GPATCH1: variants seen among roughly 807,000 people sequenced by gnomAD.
The protein encoded by GPATCH1 is G-patch domain containing 1, also known as G patch domain-containing protein 1.
In GPATCH1, 73 loss-of-function variants were observed where a neutral mutation model predicts 114.9. That is an observed-to-expected ratio of 0.64 (90% CI 0.53 to 0.77). GPATCH1 has a LOEUF of 0.77. Among genes scored for constraint, GPATCH1 ranks in the 30% least tolerant of loss-of-function variants. GPATCH1 has a pLI of 0.00. For missense variants in GPATCH1, 1,058 were observed against 1,144.3 expected (o/e 0.92, Z 1.09); for synonymous variants, 391 against 428.4 (o/e 0.91, Z 1.08).
At chr19:33,091,304 C>T (rs905503004) in intron 3 of GPATCH1, among the ~76,000 whole-genome samples, 1 of 149,978 alleles carries the variant, frequency 6.7e-6, no homozygotes, top group Non-Finnish European at 1.5e-5. Flanking sequence ...GTCCCAGCTA[C>T]TCGGGAGGCT....
chr19:33,108,046 C>T (rs1402721657), intron 10 of GPATCH1, among the ~76,000 whole-genome samples: 2 of 152,012 alleles, frequency 1.3e-5, no homozygotes, highest in Admixed American at 6.6e-5. Flanking sequence ...TCGGTCCTCC[C>T]GCACCCTCCC....
intron 17 of GPATCH1, among the ~76,000 whole-genome samples, chr19:33,122,265 C>T (rs1972993050): frequency 1.3e-5 from 2 of 151,462 alleles, no homozygotes; most frequent in African/African-American, 4.9e-5. Flanking sequence ...GCCTCAGCCT[C>T]CCAAAGTGTT....
intron 1 of GPATCH1, among the ~76,000 whole-genome samples, chr19:33,087,676 CATT>C (rs1972547141): frequency 1.3e-5 from 2 of 151,116 alleles, no homozygotes; most frequent in South Asian, 4.2e-4. Context: ...ACTCTCCTGA[CATT>C]ATAATTTTTT....
chr19:33,087,745 G>A (rs1038218786), intron 1 of GPATCH1, among the ~76,000 whole-genome samples: 2 of 150,446 alleles, frequency 1.3e-5, no homozygotes, highest in East Asian at 2.0e-4. Flanking sequence ...GTGCAGTGGT[G>A]TGATCTCGGC....
At chr19:33,129,352 C>T (rs764883461) in intron 19 of GPATCH1, among the ~76,000 whole-genome samples, 1 of 150,816 alleles carries the variant, frequency 6.6e-6, no homozygotes, top group South Asian at 2.1e-4. Flanking sequence ...ATGGGAGGAT[C>T]GCTTGAGCCC....
intron 17 of GPATCH1, among the ~76,000 whole-genome samples, chr19:33,123,157 T>A (rs1435409996): frequency 6.6e-6 from 1 of 151,936 alleles, no homozygotes; most frequent in Non-Finnish European, 1.5e-5. Context: ...CCCAGCACTT[T>A]GTGGGGGCCA....
chr19:33,109,610 C>T (rs190957788), intron 10 of GPATCH1, 107 bp from the exon 11 acceptor site: 2 of 646,278 alleles, frequency 3.1e-6, no homozygotes, highest in East Asian at 2.9e-5. Context: ...ATAAAATCCT[C>T]ATCCCCAATT....
At chr19:33,127,064 G>T (rs1360386216) in intron 19 of GPATCH1, among the ~76,000 whole-genome samples, 1 of 152,020 alleles carries the variant, frequency 6.6e-6, no homozygotes, top group Non-Finnish European at 1.5e-5. Flanking sequence ...GAGCCCGGGA[G>T]TTGGAGGTTG....
At position 33,101,521 on chromosome 19, in the gene GPATCH1, G is replaced by A. The variant is rs756579954; in HGVS notation, c.1027G>A (p.Gly343Ser). The A allele has an allele frequency of 3.1e-6, 5 of 1,601,922 alleles. No individual in the cohort carries two copies. The East Asian group carries it at 1.1e-4, about 36-fold the overall frequency. Residue 343 changes from glycine to serine, a missense_variant, in exon 9 of 20, where the codon GGC becomes AGC. Physicochemically the swap from Gly to Ser is moderately conservative, Grantham distance 56. Around this residue, in one of 3 missense-constraint regions of GPATCH1, gnomAD observed 893 missense variants for 977.4 expected, o/e 0.91. Coordinates refer to ENST00000170564, the MANE Select transcript of GPATCH1 (RefSeq NM_018025.3). ...KESEKDLRYV[G>S]KILDGFSLAS... ...ATCAGAGAAAGACCTTCGGTACGTT[G>A]GCAAAATTTTGGATGGATTTTCCTT...
In GPATCH1 at chr19:33,110,031, TG is replaced by T. The variant is rs1362073992; in HGVS notation, c.1585+18del. On this transcript the variant is annotated intron_variant, in intron 11 of 19. Coordinates refer to ENST00000170564, the MANE Select transcript of GPATCH1 (RefSeq NM_018025.3). ...GGGTCAGAAAGGTGGGTGCTGGGCC[TG>T]GGTGTCCCAAATCTCGGCCCGGGCG... is the stretch of plus-strand genomic sequence containing the variant. 6.3e-7 allele frequency: 1 copy of T among 1,582,798 alleles called. No homozygotes were observed. Among genetic ancestry groups the T allele is most frequent in the South Asian group, 1.1e-5 (1 of 87,254 alleles).
rs71176196 is a variant in GPATCH1, at chr19:33,115,225, ATTTTTTTTTTTT to A, written c.2196+826_2196+837del. On this transcript the variant is annotated intron_variant, in intron 15 of 19. Transcript: ENST00000170564. ...GGGCACACACCACCATGCCTGGCTA[ATTTTTTTTTTTT>A]TTTTTTTTTTTTTTTTTTTCAGAGA... Among the ~76,000 whole-genome samples, 61 of 56,866 alleles carry A rather than the reference ATTTTTTTTTTTT, an allele frequency of 1.1e-3. No homozygotes were observed. In the South Asian group the frequency reaches 0.024, roughly 22 times the overall value. 37.3% of individuals were successfully genotyped at this position (56,866 alleles called of 152,430 possible).
chr19:33,112,387 T>A (rs1972865893), intron 12 of GPATCH1, 99 bp from the exon 13 acceptor site: 1 of 1,402,240 alleles, frequency 7.1e-7, no homozygotes, highest in Non-Finnish European at 9.8e-7. Context: ...CACAAACTTT[T>A]TTCACAGTTC....
intron 2 of GPATCH1, 113 bp from the exon 3 acceptor site, chr19:33,090,667 G>A (rs1012559610): frequency 9.1e-6 from 6 of 661,070 alleles, no homozygotes; most frequent in Non-Finnish European, 1.4e-5. Flanking sequence ...ATGGGAAGTA[G>A]CTAAGAGTTT....
At chr19:33,100,405 T>A (rs1485589465) in intron 8 of GPATCH1, 21 of 151,652 alleles carry the variant, frequency 1.4e-4, no homozygotes, top group Admixed American at 1.4e-3. Context: ...CTGGCCAACA[T>A]GGTAAAACCT....
Position 33,090,781 on chromosome 19 carries a change from A to G in GPATCH1, c.210A>G (p.Gly70=), listed in dbSNP as rs1481598464. Residue 70 remains glycine, a splice_region_variant and synonymous_variant, in exon 3 of 20, where the codon GGA becomes GGG. Coordinates refer to ENST00000170564, the MANE Select transcript of GPATCH1 (RefSeq NM_018025.3). Reference sequence around the variant, plus strand: ...AGTTCTAAACTCTTTTTTTTTCAGGATGGACACCCTCTACCTTTGTGTCTT... The same window carrying G: ...AGTTCTAAACTCTTTTTTTTTCAGGGTGGACACCCTCTACCTTTGTGTCTT... The part of the protein sequence containing the change: ...GYFNTVGSKE[G]WTPSTFVSSR... 6.2e-7 allele frequency: 1 copy of G among 1,602,580 alleles called. No individual in the cohort carries two copies. The highest frequency in any genetic ancestry group is 8.5e-7 in the Non-Finnish European group (1 of 1,170,918).
At chr19:33,120,545 T>A (rs749435383) in intron 17 of GPATCH1, among the ~76,000 whole-genome samples, 1 of 106,820 alleles carries the variant, frequency 9.4e-6, no homozygotes. Flanking sequence ...CAAGACTCTG[T>A]CTCAAAAAAA....
chr19:33,092,583 G>T (rs1334758913), intron 3 of GPATCH1, among the ~76,000 whole-genome samples: 1 of 152,186 alleles, frequency 6.6e-6, no homozygotes, highest in African/African-American at 2.4e-5. Flanking sequence ...GAAGGCAGGT[G>T]CCTAGACAAC....
intron 19 of GPATCH1, among the ~76,000 whole-genome samples, chr19:33,128,553 C>T (rs1258428230): frequency 6.6e-6 from 1 of 152,240 alleles, no homozygotes; most frequent in African/African-American, 2.4e-5. Flanking sequence ...AGCCACCACA[C>T]CCGGCCTAAA....
At chr19:33,082,976 C>T (rs1368201337) in intron 1 of GPATCH1, among the ~76,000 whole-genome samples, 1 of 151,974 alleles carries the variant, frequency 6.6e-6, no homozygotes. Flanking sequence ...TGGTGGCTCA[C>T]GCCTGTAATC....
Sources: gnomAD v4.1 joint callset for allele counts (sites outside exome capture counted in the v4.1 genomes callset) on GRCh38, gnomAD v4.1.1 for gene constraint, gnomAD v4.1.1 regional missense constraint, MANE v1.5 for transcripts, NCBI Gene and HGNC (gene_info 2026-07-23, HGNC 2026-07-21) for gene names.